SAMD12: variants seen among roughly 807,000 people sequenced by gnomAD.
SAMD12 encodes the protein sterile alpha motif domain-containing protein 12.
A neutral mutation model predicts 15.0 loss-of-function variants in SAMD12; 9 were observed. That is an observed-to-expected ratio of 0.60 (90% confidence interval 0.36 to 1.05). SAMD12 has a LOEUF of 1.05. SAMD12 is among the 50% of genes least tolerant of loss of function. The probability of loss-of-function intolerance (pLI) is 0.01; values close to 1 mark genes in which losing one functional copy is unlikely to be tolerated. For missense variants in SAMD12, 230 were observed against 234.2 expected, an observed-to-expected ratio of 0.98 and a Z score of 0.12; for synonymous variants, 86 against 90.1, an observed-to-expected ratio of 0.96 and a Z score of 0.25.
intron 4 of SAMD12, among the ~76,000 whole-genome samples, chr8:118,300,772 T>C (rs1814978813): frequency 6.6e-6 from 1 of 152,210 alleles, no homozygotes; most frequent in African/African-American, 2.4e-5. Context: ...CACATCTTTT[T>C]TGTTAATTCT....
chr8:118,308,630 C>T (rs1165466344), intron 4 of SAMD12, among the ~76,000 whole-genome samples: 2 of 151,952 alleles, frequency 1.3e-5, no homozygotes, highest in Non-Finnish European at 2.9e-5. Flanking sequence ...ATAAAGATGT[C>T]GAAAAGTCGA....
At position 118,457,370 on chromosome 8, in the gene SAMD12, A is replaced by G. The variant is rs1452952291; in HGVS notation, c.193-17409T>C. 5.3e-5 allele frequency among the ~76,000 whole-genome samples: 8 copies of G among 151,880 alleles called. No homozygotes were observed. The East Asian group carries it at 1.4e-3, about 26-fold the overall frequency. On this transcript the variant is annotated intron_variant, in intron 2 of 3. Coordinates refer to ENST00000314727, the MANE Select transcript of SAMD12 (RefSeq NM_207506.3). ...CTTAGCCTCCTGAACAGCTAGGGCTATAGATTCATACCACAACACCCAGAT... is the reference window on the plus strand; with the variant it reads ...CTTAGCCTCCTGAACAGCTAGGGCTGTAGATTCATACCACAACACCCAGAT...
chr8:118,169,296 G>A, the SAMD12 span, among the ~76,000 whole-genome samples: 2 of 152,184 alleles, frequency 1.3e-5, no homozygotes, highest in Non-Finnish European at 2.9e-5. Flanking sequence ...TTTCATGGAA[G>A]CTACTCTGCA....
At chr8:118,277,336 A>G (rs1813498602) in intron 4 of SAMD12, among the ~76,000 whole-genome samples, 1 of 152,024 alleles carries the variant, frequency 6.6e-6, no homozygotes, top group Non-Finnish European at 1.5e-5. Context: ...TCCTGACTTG[A>G]CTGTTCTATC....
chr8:118,492,579 A>C (rs916041342), intron 2 of SAMD12, among the ~76,000 whole-genome samples: 1 of 152,010 alleles, frequency 6.6e-6, no homozygotes, highest in Non-Finnish European at 1.5e-5. Flanking sequence ...TTTCACATCT[A>C]CTCATAGATG....
At chr8:118,199,090 AAC>A (rs1819641646) in intron 4 of SAMD12, among the ~76,000 whole-genome samples, 1 of 152,202 alleles carries the variant, frequency 6.6e-6, no homozygotes, top group Non-Finnish European at 1.5e-5. Context: ...GCAACATGGA[AAC>A]AGTTATGATA....
At chr8:118,353,154 T>C (rs1171979962) in intron 4 of SAMD12, among the ~76,000 whole-genome samples, 1 of 151,520 alleles carries the variant, frequency 6.6e-6, no homozygotes, top group Non-Finnish European at 1.5e-5. Flanking sequence ...TTGTATGTGA[T>C]GTTTTCATAT....
downstream of SAMD12, among the ~76,000 whole-genome samples, chr8:118,185,366 A>G (rs536570231): frequency 7.9e-5 from 12 of 152,136 alleles, no homozygotes; most frequent in African/African-American, 2.9e-4. Context: ...CCCAATATGT[A>G]GTCTTTTATC....
At chr8:118,440,535 A>T (rs536504284) in intron 2 of SAMD12, among the ~76,000 whole-genome samples, 2 of 152,102 alleles carry the variant, frequency 1.3e-5, no homozygotes, top group Non-Finnish European at 2.9e-5. Context: ...CAAAAAGTCA[A>T]TTCCACCAGG....
chr8:118,424,001 T>A (rs13269591), intron 3 of SAMD12, among the ~76,000 whole-genome samples: 81,927 of 151,876 alleles, frequency 0.54, 23,174 homozygotes, highest in Admixed American at 0.63. Flanking sequence ...TAGAGAAATA[T>A]CTTGGGAGTA....
rs1463214161 is a variant in SAMD12 at position 118,255,624 on chromosome 8, G to A, written c.434-57892C>T. 4.0e-5 allele frequency among the ~76,000 whole-genome samples: 6 copies of A among 150,008 alleles called. 1 individual carries two copies. The highest frequency in any genetic ancestry group is 2.7e-4 in the Admixed American group (4 of 14,978). On this transcript the variant is annotated intron_variant, in intron 4 of 4. Transcript: ENST00000409003. ...GTGGTGTTTGGTTTTTTGTCCTTGC[G>A]ATAGTTTACTGAGAATGATGATTTC...
the SAMD12 span, among the ~76,000 whole-genome samples, chr8:118,161,232 A>G: frequency 1.3e-5 from 2 of 152,232 alleles, no homozygotes; most frequent in African/African-American, 2.4e-5. Context: ...TTTCTCATTT[A>G]TGATACCAAA....
At chr8:118,262,498 A>G (rs1813102739) in intron 4 of SAMD12, among the ~76,000 whole-genome samples, 2 of 152,100 alleles carry the variant, frequency 1.3e-5, no homozygotes, top group Admixed American at 6.6e-5. Flanking sequence ...CAAAGAAACT[A>G]CAATGCAGAA....
chr8:118,450,025 C>A (rs1305123915), intron 2 of SAMD12, among the ~76,000 whole-genome samples: 3 of 152,116 alleles, frequency 2.0e-5, no homozygotes, highest in Non-Finnish European at 4.4e-5. Flanking sequence ...TTTCCAGGGA[C>A]AGTCATGTAC....
At chr8:118,207,810 C>T (rs1164634852) in intron 4 of SAMD12, among the ~76,000 whole-genome samples, 1 of 152,136 alleles carries the variant, frequency 6.6e-6, no homozygotes, top group Non-Finnish European at 1.5e-5. Context: ...GAACAATGTT[C>T]TCTAAGATTC....
intron 2 of SAMD12, among the ~76,000 whole-genome samples, chr8:118,533,768 CT>C (rs55898185): frequency 0.044 from 6,424 of 145,030 alleles, 195 homozygotes; most frequent in South Asian, 0.13. Context: ...GCAACCCTTG[CT>C]TTTTTTTTTT....
chr8:118,132,485 A>G, the SAMD12 span, among the ~76,000 whole-genome samples: 6 of 152,122 alleles, frequency 3.9e-5, no homozygotes, highest in African/African-American at 1.4e-4. Context: ...AAGTTTCCAG[A>G]GCATTCCGAG....
chr8:118,374,467 C>T (rs1391703973), downstream of SAMD12, among the ~76,000 whole-genome samples: 3 of 152,036 alleles, frequency 2.0e-5, no homozygotes, highest in Non-Finnish European at 4.4e-5. Flanking sequence ...ATTTCAAGAT[C>T]CTGCTTTGAA....
intron 4 of SAMD12, among the ~76,000 whole-genome samples, chr8:118,272,817 C>T (rs1258679126): frequency 1.3e-5 from 2 of 152,140 alleles, no homozygotes; most frequent in Non-Finnish European, 2.9e-5. Context: ...GTCCATATCA[C>T]TATTAGCATT....
Sources: allele counts gnomAD v4.1 joint callset (sites outside exome capture counted in the v4.1 genomes callset), GRCh38; gene constraint gnomAD v4.1.1; transcripts MANE v1.5; gene names NCBI Gene and HGNC (gene_info 2026-07-23, HGNC 2026-07-21).